PARD3B: variants seen among roughly 807,000 people sequenced by gnomAD.
PARD3B encodes partitioning defective 3 homolog B.
A neutral mutation model predicts 130.2 loss-of-function variants in PARD3B; 103 were observed. The observed-to-expected ratio is 0.79, with a 90% CI of 0.67 to 0.93. The LOEUF (loss-of-function observed/expected upper bound fraction) is 0.93, where lower values mean the gene tolerates loss of function less well. Among genes scored for constraint, PARD3B ranks in the 40% least tolerant of loss-of-function variants. PARD3B has a pLI of 0.00. For missense variants in PARD3B, 1,609 were observed against 1,499.2 expected, an observed-to-expected ratio of 1.07 and a Z score of -1.21; for synonymous variants, 583 against 553.2, an observed-to-expected ratio of 1.05 and a Z score of -0.76.
In PARD3B at chr2:204,965,261, A is replaced by T; in HGVS notation, c.332A>T (p.Gln111Leu). The T allele has an allele frequency of 6.2e-7, 1 of 1,613,952 alleles. No homozygotes were observed. The highest frequency in any genetic ancestry group is 2.2e-5 in the East Asian group (1 of 44,868). Residue 111 changes from glutamine (Q) to leucine (L), a missense_variant, in exon 3 of 23, where the codon CAA becomes CTA. By Grantham distance (113) the Gln-to-Leu change is moderately radical (BLOSUM62 -2). Transcript: ENST00000406610. ...GCTTTTGAGACAGAAGTGGCCGCCC[A>T]ACTGGCCGCATTTAAGCCAATTGGT... Reference protein sequence around the residue: ...PDAFETEVAAQLAAFKPIGGE... With the variant: ...PDAFETEVAALLAAFKPIGGE...
intron 4 of PARD3B, 26 bp from the exon 5 acceptor site, chr2:205,104,400 A>T (rs200528209): frequency 8.9e-5 from 133 of 1,499,476 alleles, no homozygotes; most frequent in Admixed American, 1.2e-4. Flanking sequence ...ACAGCATCAC[A>T]TGCTTATGAC....
At chr2:205,381,022 T>TAATATAAA (rs1559035336) in intron 18 of PARD3B, among the ~76,000 whole-genome samples, 1 of 37,630 alleles carries the variant, frequency 2.7e-5, no homozygotes, top group Admixed American at 5.7e-4. Flanking sequence ...AGAATATATA[T>TAATATAAA]GATATATTAT....
chr2:205,418,258 A>G (rs535371321), intron 19 of PARD3B, among the ~76,000 whole-genome samples: 31 of 152,262 alleles, frequency 2.0e-4, no homozygotes, highest in Admixed American at 9.2e-4. Context: ...TTCCACTTAG[A>G]GGATTTGGGT....
rs2105809498 is a variant in PARD3B at position 205,274,174 on chromosome 2, A to G, written c.2186-26356A>G. Among the ~76,000 whole-genome samples the G allele has an allele frequency of 6.6e-6, 1 of 152,276 alleles. No individual in the cohort carries two copies. The highest frequency in any genetic ancestry group is 1.5e-5 in the Non-Finnish European group (1 of 68,006). On this transcript the variant is annotated intron_variant, in intron 16 of 22. Coordinates refer to ENST00000406610, the MANE Select transcript of PARD3B (RefSeq NM_001302769.2). The surrounding 1 kb of genome is among the most constrained non-coding windows in gnomAD (Gnocchi z 4.2). ...TATCTTAGATAAATTACTATTGCCT[A>G]TAATTTTCATATATATTATAACCTC...
intron 10 of PARD3B, among the ~76,000 whole-genome samples, chr2:205,140,481 C>T (rs530871499): frequency 2.1e-4 from 29 of 140,708 alleles, no homozygotes; most frequent in African/African-American, 7.1e-4. Context: ...AAAGGAAGAC[C>T]GTTCCTTTTT....
intron 6 of PARD3B, among the ~76,000 whole-genome samples, chr2:205,114,520 G>T (rs1703888038): frequency 6.6e-6 from 1 of 152,062 alleles, no homozygotes; most frequent in Non-Finnish European, 1.5e-5. Context: ...GACGAGACAA[G>T]TCAATTGATT....
At chr2:204,922,259 C>A (rs1464006821) in intron 2 of PARD3B, among the ~76,000 whole-genome samples, 1 of 151,808 alleles carries the variant, frequency 6.6e-6, no homozygotes, top group Non-Finnish European at 1.5e-5. Context: ...AAAAGAGAAG[C>A]AAATAAGCAG....
chr2:204,596,601 C>T lies in PARD3B; in HGVS notation c.120+50482C>T, dbSNP rs528202073. On this transcript the variant is annotated intron_variant, in intron 1 of 22. Coordinates refer to ENST00000406610, the MANE Select transcript of PARD3B (RefSeq NM_001302769.2). ...AAAAAGCAAACACACTTGTCAGGTG[C>T]AAAAACATAGAACACTCCCAATAAT... Among the ~76,000 whole-genome samples, 4 of 152,214 alleles carry T rather than the reference C, an allele frequency of 2.6e-5. No individual in the cohort carries two copies. The East Asian group carries it at 7.7e-4, about 29-fold the overall frequency.
chr2:204,726,159 T>A (rs1407722343), intron 2 of PARD3B, among the ~76,000 whole-genome samples: 2 of 152,190 alleles, frequency 1.3e-5, no homozygotes, highest in African/African-American at 2.4e-5. Flanking sequence ...AGAGAAGTGA[T>A]GTTTATGTTC....
chr2:204,852,007 A>C (rs1271155124), intron 2 of PARD3B, among the ~76,000 whole-genome samples: 1 of 152,118 alleles, frequency 6.6e-6, no homozygotes, highest in African/African-American at 2.4e-5. Flanking sequence ...ATCTTTTTTC[A>C]ATAGGTGGTT....
intron 2 of PARD3B, among the ~76,000 whole-genome samples, chr2:204,898,804 T>C (rs2046741053): frequency 6.6e-6 from 1 of 152,220 alleles, no homozygotes; most frequent in African/African-American, 2.4e-5. Context: ...GGGTGCTTTG[T>C]GTTGGATGCA....
At chr2:205,517,973 G>A (rs558391038) in intron 21 of PARD3B, among the ~76,000 whole-genome samples, 1 of 152,194 alleles carries the variant, frequency 6.6e-6, no homozygotes, top group South Asian at 2.1e-4. Context: ...TGGTTGTTTT[G>A]CATTTGCTGA....
At chr2:205,010,164 G>C (rs995064609) in intron 3 of PARD3B, among the ~76,000 whole-genome samples, 1 of 152,138 alleles carries the variant, frequency 6.6e-6, no homozygotes, top group Non-Finnish European at 1.5e-5. Flanking sequence ...AGTCGGGGGA[G>C]ATCAGTTCCT....
At chr2:204,899,492 G>GA (rs925959995) in intron 2 of PARD3B, among the ~76,000 whole-genome samples, 6 of 151,566 alleles carry the variant, frequency 4.0e-5, no homozygotes, top group African/African-American at 1.5e-4. Flanking sequence ...TACAAGCAAG[G>GA]AAAAAAAACT....
At position 205,456,949 on chromosome 2, in the gene PARD3B, G is replaced by A. The variant is rs140642747; in HGVS notation, c.3044+16277G>A. Among the ~76,000 whole-genome samples, 1,102 of 149,640 alleles carry A rather than the reference G, an allele frequency of 7.4e-3. 9 individuals are homozygous for A. The highest frequency in any genetic ancestry group is 0.022 in the African/African-American group (902 of 40,864). On this transcript the variant is annotated intron_variant, in intron 20 of 22. Coordinates refer to ENST00000406610, the MANE Select transcript of PARD3B (RefSeq NM_001302769.2). ...ATAAATTTAATAAATTTAATAAATC[G>A]TTTAATAATTATATATATTTAATTC... is the stretch of plus-strand genomic sequence containing the variant.
chr2:204,880,907 T>C (rs1465086688), intron 2 of PARD3B, among the ~76,000 whole-genome samples: 1 of 152,236 alleles, frequency 6.6e-6, no homozygotes, highest in Non-Finnish European at 1.5e-5. Context: ...TCTGTTTATA[T>C]ATGTCTCTTG....
chr2:204,589,155 C>T (rs984176892), intron 1 of PARD3B, among the ~76,000 whole-genome samples: 1 of 152,140 alleles, frequency 6.6e-6, no homozygotes, highest in Admixed American at 6.5e-5. Context: ...AATTATGGCA[C>T]ATGCTCACAT....
At chr2:204,548,314 A>G (rs533053455) in intron 1 of PARD3B, among the ~76,000 whole-genome samples, 1 of 152,314 alleles carries the variant, frequency 6.6e-6, no homozygotes, top group Admixed American at 6.5e-5. Context: ...GCACTTCGTA[A>G]TAATAATCAC....
chr2:204,919,391 C>T (rs2047576425), intron 2 of PARD3B, among the ~76,000 whole-genome samples: 1 of 152,164 alleles, frequency 6.6e-6, no homozygotes, highest in African/African-American at 2.4e-5. Flanking sequence ...ATCACCTTTT[C>T]CCAGTCAATC....
Sources: allele counts gnomAD v4.1 joint callset (sites outside exome capture counted in the v4.1 genomes callset), GRCh38; gene constraint gnomAD v4.1.1; non-coding constraint Gnocchi (gnomAD v3.1); transcripts MANE v1.5; gene names NCBI Gene and HGNC (gene_info 2026-07-23, HGNC 2026-07-21).